Variants in FAR1 observed in about 807,000 individuals in gnomAD.
The protein encoded by FAR1 is male sterility domain-containing protein 2.
In FAR1, 22 loss-of-function variants were observed where a neutral mutation model predicts 61.1. The observed-to-expected ratio is 0.36, with a 90% confidence interval of 0.26 to 0.51. FAR1 has a LOEUF of 0.51. Ranked by LOEUF, FAR1 falls within the 20% of genes least tolerant of loss-of-function variation. The pLI is 0.95. For synonymous variants in FAR1, 206 were observed against 209.7 expected, an observed-to-expected ratio of 0.98 and a Z score of 0.15; for missense variants, 359 against 626.9, an observed-to-expected ratio of 0.57 and a Z score of 4.56.
chr11:13,707,141 A>G (rs1258649509), intron 3 of FAR1, among the ~76,000 whole-genome samples: 2 of 152,198 alleles, frequency 1.3e-5, no homozygotes, highest in Non-Finnish European at 2.9e-5. Context: ...GTCATTCCAT[A>G]TTCCATAGTG....
At chr11:13,691,252 A>G (rs1848246654) in intron 1 of FAR1, among the ~76,000 whole-genome samples, 1 of 152,222 alleles carries the variant, frequency 6.6e-6, no homozygotes, top group Admixed American at 6.5e-5. Flanking sequence ...AACTAGCACA[A>G]TGTTGAGTGA....
rs569935754 is a variant in FAR1, at chr11:13,695,561, A to C, written c.189+607A>C. Among the ~76,000 whole-genome samples the C allele has an allele frequency of 5.3e-5, 8 of 152,354 alleles. No homozygotes were observed. In the South Asian group the frequency reaches 1.4e-3, roughly 28 times the overall value. On this transcript the variant is annotated intron_variant, in intron 2 of 11. Transcript: ENST00000354817. ...TGAATGAATTTATCTGACATTTACT[A>C]ATAAATAGTAAGTTGAATCGGAAGG...
chr11:13,703,064 T>G (rs150365945), intron 3 of FAR1, among the ~76,000 whole-genome samples: 155 of 152,368 alleles, frequency 1.0e-3, no homozygotes, highest in Non-Finnish European at 1.9e-3. Context: ...GGAAGCAATT[T>G]TAATGGATGT....
intron 1 of FAR1, among the ~76,000 whole-genome samples, chr11:13,692,789 G>A (rs1433754791): frequency 6.6e-6 from 1 of 151,924 alleles, no homozygotes; most frequent in Non-Finnish European, 1.5e-5. Flanking sequence ...TCCTTTTTTA[G>A]TAATTATATT....
In FAR1 at chr11:13,701,302, G is replaced by C. The variant is rs1420578495; in HGVS notation, c.365+810G>C. On this transcript the variant is annotated intron_variant, in intron 3 of 11. Transcript: ENST00000354817. The stretch of plus-strand genomic sequence containing the variant: ...ATATTGAATGCTCTAACAAAGAAAT[G>C]ATAAGTGTTTAAGATGATAGATGTG... Among the ~76,000 whole-genome samples, 3 of 152,038 alleles carry C rather than the reference G, an allele frequency of 2.0e-5. No individual in the cohort carries two copies. In the East Asian group the frequency reaches 5.8e-4, roughly 29 times the overall value.
chr11:13,724,802 C>A (rs903388491), intron 10 of FAR1, among the ~76,000 whole-genome samples: 1 of 152,180 alleles, frequency 6.6e-6, no homozygotes, highest in Middle Eastern at 3.2e-3. Flanking sequence ...TACTCCACTG[C>A]ATGTCTCAGT....
intron 8 of FAR1, 179 bp downstream of exon 8, chr11:13,713,212 A>G (rs1848518660): frequency 3.3e-6 from 2 of 607,828 alleles, no homozygotes; most frequent in East Asian, 5.6e-5. Flanking sequence ...ATAATGTTTC[A>G]CAAATTTAAA....
Position 13,721,704 on chromosome 11 carries a change from A to C in FAR1, c.1128-26A>C. 1 of 1,603,762 alleles carries C rather than the reference A, an allele frequency of 6.2e-7. No homozygotes were observed. Among genetic ancestry groups the C allele is most frequent in the Non-Finnish European group, 8.5e-7 (1 of 1,175,542 alleles). On this transcript the variant is annotated intron_variant, in intron 9 of 11. Coordinates refer to ENST00000354817, the MANE Select transcript of FAR1 (RefSeq NM_032228.6). The surrounding 1 kb of genome is among the most constrained non-coding windows in gnomAD (Gnocchi z 4.2). ...TTTTCCTAATCTATACAAAATATGAATCTGTCCATTTTTCTTACAATACAG... is the reference window on the plus strand; with the variant it reads ...TTTTCCTAATCTATACAAAATATGACTCTGTCCATTTTTCTTACAATACAG...
chr11:13,714,767 AT>A lies in FAR1; in HGVS notation c.1127+88del. The A allele has an allele frequency of 1.3e-5, 16 of 1,259,084 alleles. No individual in the cohort carries two copies. In the Middle Eastern group the frequency reaches 5.9e-4, roughly 46 times the overall value. 78.0% of individuals were successfully genotyped at this position (1,259,084 alleles called of 1,614,324 possible). A position where few individuals can be genotyped will look rare whatever the true frequency, so the allele number is the denominator to read the frequency against. On this transcript the variant is annotated intron_variant, in intron 9 of 11. Transcript: ENST00000354817. ...ATGCATATTAACTCTGTATTTGTTT[AT>A]GCTTATGATAAGGCTTAATAGCCTT...
chr11:13,706,649 TA>T (rs1848436290), intron 3 of FAR1, among the ~76,000 whole-genome samples: 1 of 152,152 alleles, frequency 6.6e-6, no homozygotes, highest in Non-Finnish European at 1.5e-5. Context: ...ACTCTTTTTG[TA>T]ATTTTTAAAA....
At chr11:13,681,104 TAGTTAATTGAACATGGGAA>T (rs1244715737) in intron 1 of FAR1, among the ~76,000 whole-genome samples, 6 of 152,336 alleles carry the variant, frequency 3.9e-5, no homozygotes, top group South Asian at 4.1e-4. Flanking sequence ...CAGGAGTTCA[TAGTTAATTGAACATGGGAA>T]AGTTAATTGA....
At chr11:13,714,030 A>G (rs1158947368) in intron 8 of FAR1, among the ~76,000 whole-genome samples, 1 of 152,140 alleles carries the variant, frequency 6.6e-6, no homozygotes, top group African/African-American at 2.4e-5. Flanking sequence ...TGTTGACATT[A>G]CATAGCCTAT....
At chr11:13,680,962 A>C (rs963861341) in intron 1 of FAR1, among the ~76,000 whole-genome samples, 20 of 152,216 alleles carry the variant, frequency 1.3e-4, no homozygotes, top group African/African-American at 4.3e-4. Flanking sequence ...ATCTTAATGG[A>C]TATACTTAGC....
rs1260953023 is a variant in FAR1, at chr11:13,714,689, G to A, written c.1127+9G>A. 4 of 1,603,172 alleles carry A rather than the reference G, an allele frequency of 2.5e-6. No homozygotes were observed. The African/African-American group carries it at 5.4e-5, about 22-fold the overall frequency. Reference sequence around the variant, plus strand: ...ACTGGAAGAAGCCCAAGGTAATGGTGACTAGCTCTGTCTTATCTGTTCCTC... The same window carrying A: ...ACTGGAAGAAGCCCAAGGTAATGGTAACTAGCTCTGTCTTATCTGTTCCTC... On this transcript the variant is annotated intron_variant, in intron 9 of 11. Coordinates refer to ENST00000354817, the MANE Select transcript of FAR1 (RefSeq NM_032228.6).
rs1432838521 is a variant in FAR1 at position 13,721,505 on chromosome 11, G to C, written c.1128-225G>C. Reference sequence around the variant, plus strand: ...TGTTTAGGTGGTATTAAATGCATTTGCTGCTGCTTTCAAAAAAAATTTGTT... The same window carrying C: ...TGTTTAGGTGGTATTAAATGCATTTCCTGCTGCTTTCAAAAAAAATTTGTT... On this transcript the variant is annotated intron_variant, in intron 9 of 11. Coordinates refer to ENST00000354817, the MANE Select transcript of FAR1 (RefSeq NM_032228.6). This position sits in a 1 kb window ranked among gnomAD's most constrained non-coding sequence, Gnocchi z 4.2. 2.4e-6 allele frequency: 1 copy of C among 410,870 alleles called. No homozygotes were observed. The highest frequency in any genetic ancestry group is 4.3e-6 in the Non-Finnish European group (1 of 232,042). The allele number at this position is 410,870 out of a possible 1,614,324, so 25.5% of individuals were successfully genotyped here.
chr11:13,677,022 C>T (rs527642931), intron 1 of FAR1, among the ~76,000 whole-genome samples: 12 of 152,232 alleles, frequency 7.9e-5, no homozygotes, highest in African/African-American at 2.6e-4. Context: ...ATCCCAACAG[C>T]GTTGTTTCTC....
In FAR1 at chr11:13,729,900, C is replaced by T. The variant is rs1458133033; in HGVS notation, c.*1126C>T. 1 of 152,336 alleles carries T rather than the reference C, an allele frequency of 6.6e-6. No homozygotes were observed. Among genetic ancestry groups the T allele is most frequent in the Non-Finnish European group, 1.5e-5 (1 of 67,862 alleles). 9.4% of individuals were successfully genotyped at this position (152,336 alleles called of 1,614,324 possible). A position where few individuals can be genotyped will look rare whatever the true frequency, so the allele number is the denominator to read the frequency against. On this transcript the variant is annotated 3_prime_UTR_variant, in exon 12 of 12. Coordinates refer to ENST00000354817, the MANE Select transcript of FAR1 (RefSeq NM_032228.6). ...AATAAAGGACTTTATTTACATACTA[C>T]ATAAGGTAGCAAACTGTTGAATGAG...
intron 1 of FAR1, among the ~76,000 whole-genome samples, chr11:13,674,331 AAG>A (rs1263632100): frequency 3.9e-5 from 6 of 151,958 alleles, no homozygotes; most frequent in Non-Finnish European, 1.5e-5. Flanking sequence ...AAAAGAAAAA[AAG>A]AAAATTCAAA....
chr11:13,695,865 C>T (rs1295343196), intron 2 of FAR1, among the ~76,000 whole-genome samples: 1 of 152,074 alleles, frequency 6.6e-6, no homozygotes, highest in Non-Finnish European at 1.5e-5. Context: ...AACAGATATT[C>T]CTCATTATGT....
Sources: allele counts gnomAD v4.1 joint callset (sites outside exome capture counted in the v4.1 genomes callset), GRCh38; gene constraint gnomAD v4.1.1; non-coding constraint Gnocchi (gnomAD v3.1); transcripts MANE v1.5; gene names NCBI Gene and HGNC (gene_info 2026-07-23, HGNC 2026-07-21).